The following ANKRD16 variants were observed in gnomAD, a reference collection of about 807,000 sequenced individuals.
The protein encoded by ANKRD16 is ankyrin repeat domain 16, also known as ankyrin repeat domain-containing protein 16.
Under a neutral mutation model 37.9 loss-of-function variants are expected in ANKRD16, and 35 were observed. That is an observed-to-expected ratio of 0.92 (90% confidence interval 0.71 to 1.23). The LOEUF (loss-of-function observed/expected upper bound fraction) is 1.23. Among genes scored for constraint, ANKRD16 ranks in the 50% most tolerant of loss-of-function variants. The pLI, the probability that ANKRD16 is intolerant of heterozygous loss-of-function variation, is 0.00. For missense variants in ANKRD16, 480 were observed against 469.9 expected, an observed-to-expected ratio of 1.02 and a Z score of -0.20; for synonymous variants, 206 against 197.2, an observed-to-expected ratio of 1.04 and a Z score of -0.37.
intron 5 of ANKRD16, among the ~76,000 whole-genome samples, chr10:5,881,438 T>TTTTATATA (rs1554796692): frequency 9.6e-4 from 49 of 50,996 alleles, no homozygotes; most frequent in African/African-American, 1.6e-3. Context: ...AAAATATTAT[T>TTTTATATA]TATATATATA....
At chr10:5,881,177 T>G in intron 5 of ANKRD16, 2 of 675,526 alleles carry the variant, frequency 3.0e-6, no homozygotes, top group Non-Finnish European at 3.7e-6. Context: ...TTGGTGACAT[T>G]TAATTATTAG....
intron 2 of ANKRD16, among the ~76,000 whole-genome samples, chr10:5,886,382 G>A (rs566178163): frequency 1.3e-5 from 2 of 152,236 alleles, no homozygotes; most frequent in Non-Finnish European, 2.9e-5. Flanking sequence ...CTTCAGGTCA[G>A]GAGTTCAAGA....
chr10:5,862,637 T>A lies in ANKRD16; in HGVS notation c.*88A>T. The stretch of plus-strand genomic sequence containing the variant: ...CAGGTTCAGGATGACTGAAGCAAGT[T>A]GCACTTGGCTTTCTCTGAGCCGAAA... On this transcript the variant is annotated 3_prime_UTR_variant, in exon 8 of 8. Transcript: ENST00000380094. The surrounding 1 kb of genome is among the most constrained non-coding windows in gnomAD (Gnocchi z 6.5). 1 of 1,289,594 alleles carries A rather than the reference T, an allele frequency of 7.8e-7. No homozygotes were observed. Among genetic ancestry groups the A allele is most frequent in the Non-Finnish European group, 1.0e-6 (1 of 988,870 alleles). 79.9% of individuals were successfully genotyped at this position (1,289,594 alleles called of 1,614,324 possible). A position where few individuals can be genotyped will look rare whatever the true frequency, so the allele number is the denominator to read the frequency against.
At chr10:5,880,085 G>A (rs1842264285) in intron 6 of ANKRD16, among the ~76,000 whole-genome samples, 1 of 149,552 alleles carries the variant, frequency 6.7e-6, no homozygotes, top group Non-Finnish European at 1.5e-5. Flanking sequence ...CTTGAGCCAG[G>A]AGGTGGATGT....
chr10:5,884,739 T>TA (rs34030686), intron 3 of ANKRD16, among the ~76,000 whole-genome samples: 5,900 of 120,094 alleles, frequency 0.049, 434 homozygotes, highest in African/African-American at 0.16. Flanking sequence ...TCTCAAAAAC[T>TA]AAAAAAAAAA....
Position 5,889,023 on chromosome 10 carries a change from T to C in ANKRD16, c.314+18A>G, listed in dbSNP as rs75887320. 1.9e-4 allele frequency: 279 copies of C among 1,496,316 alleles called. 3 individuals are homozygous for C. In the East Asian group the frequency reaches 6.5e-3, roughly 35 times the overall value. 92.7% of individuals were successfully genotyped at this position (1,496,316 alleles called of 1,614,324 possible). On this transcript the variant is annotated intron_variant, in intron 1 of 7. Coordinates refer to ENST00000380094, the MANE Select transcript of ANKRD16 (RefSeq NM_019046.3). The stretch of plus-strand genomic sequence containing the variant: ...GCGAGTAGAGGGGAGGCGGGGTGTC[T>C]TTCCGCTCCACACCTACCAGTCGGC...
At chr10:5,867,686 C>A (rs116289417) in intron 7 of ANKRD16, among the ~76,000 whole-genome samples, 4,063 of 152,276 alleles carry the variant, frequency 0.027, 162 homozygotes, top group African/African-American at 0.09. Context: ...GCAGAGCCAT[C>A]CACTAATACC....
chr10:5,872,584 T>G (rs1445699686), intron 7 of ANKRD16, among the ~76,000 whole-genome samples: 2 of 152,154 alleles, frequency 1.3e-5, no homozygotes, highest in Non-Finnish European at 2.9e-5. Context: ...TGAGATGGAA[T>G]CTCACTCTGT....
chr10:5,868,368 T>C lies in ANKRD16; in HGVS notation c.*34-5677A>G, dbSNP rs1262345005. Among the ~76,000 whole-genome samples the C allele has an allele frequency of 6.6e-6, 1 of 152,160 alleles. No individual in the cohort carries two copies. Among genetic ancestry groups the C allele is most frequent in the Non-Finnish European group, 1.5e-5 (1 of 68,016 alleles). The stretch of plus-strand genomic sequence containing the variant: ...AGTAGCTAGAATGGTCATCACCCAA[T>C]TCCCAGTAGCAGTTGGGGTGTTCCG... On this transcript the variant is annotated intron_variant, in intron 7 of 7. Coordinates refer to ENST00000380094, the MANE Select transcript of ANKRD16 (RefSeq NM_019046.3). This position sits in a 1 kb window ranked among gnomAD's most constrained non-coding sequence, Gnocchi z 4.9.
At chr10:5,877,452 G>T (rs981835647) in intron 7 of ANKRD16, among the ~76,000 whole-genome samples, 1 of 152,010 alleles carries the variant, frequency 6.6e-6, no homozygotes, top group African/African-American at 2.4e-5. Flanking sequence ...ACTTGAAGGG[G>T]GTCAATACTG....
At chr10:5,876,582 T>A (rs1280697960) in intron 7 of ANKRD16, among the ~76,000 whole-genome samples, 1 of 152,168 alleles carries the variant, frequency 6.6e-6, no homozygotes, top group Non-Finnish European at 1.5e-5. Context: ...ATGGAGAGTG[T>A]GTAATTTAGA....
Position 5,862,718 on chromosome 10 carries a change from C to T in ANKRD16, c.*34-27G>A, listed in dbSNP as rs1309620639. 4.5e-5 allele frequency: 58 copies of T among 1,276,702 alleles called. No individual in the cohort carries two copies. Among genetic ancestry groups the T allele is most frequent in the Non-Finnish European group, 5.5e-5 (54 of 977,120 alleles). 79.1% of individuals were successfully genotyped at this position (1,276,702 alleles called of 1,614,324 possible). On this transcript the variant is annotated intron_variant, in intron 7 of 7. Transcript: ENST00000380094. The surrounding 1 kb of genome is among the most constrained non-coding windows in gnomAD (Gnocchi z 6.5). Reference sequence around the variant, plus strand: ...TGTGAAGAAAGAGTTATTATCATCTCAGTTTACAGATGAAACAGAAGCTCA... The same window carrying T: ...TGTGAAGAAAGAGTTATTATCATCTTAGTTTACAGATGAAACAGAAGCTCA...
In ANKRD16 at chr10:5,883,981, G is replaced by C. The variant is rs144479807; in HGVS notation, c.675C>G (p.Leu225=). Residue 225 remains leucine (L), a synonymous_variant, in exon 4 of 8, where the codon CTC becomes CTG. Coordinates refer to ENST00000380094, the MANE Select transcript of ANKRD16 (RefSeq NM_019046.3). ...ACCATTTTTATACCCCATGTTCATC[G>C]AGGAGCAGCCTAGCGACGTCGATGT... is the stretch of plus-strand genomic sequence containing the variant. ...CGHIDVARLL[L]DEHGACLSAE... is the part of the protein sequence containing the mutation. 3 of 1,613,732 alleles carry C rather than the reference G, an allele frequency of 1.9e-6. No homozygotes were observed. The African/African-American group carries it at 4.0e-5, about 22-fold the overall frequency.
rs1841984911 is a variant in ANKRD16, at chr10:5,864,311, A to G, written c.*34-1620T>C. 6.6e-6 allele frequency among the ~76,000 whole-genome samples: 1 copy of G among 152,096 alleles called. No individual in the cohort carries two copies. ...CTCCCCTGCCCAGAAGGAAACAAGCAAAGAAATCTCCAAGGGACCACAACC... is the reference window on the plus strand; with the variant it reads ...CTCCCCTGCCCAGAAGGAAACAAGCGAAGAAATCTCCAAGGGACCACAACC... On this transcript the variant is annotated intron_variant, in intron 7 of 7. Coordinates refer to ENST00000380094, the MANE Select transcript of ANKRD16 (RefSeq NM_019046.3). The surrounding 1 kb of genome is among the most constrained non-coding windows in gnomAD (Gnocchi z 4.4).
chr10:5,884,191 A>G (rs7907053), intron 3 of ANKRD16, 114 bp from the exon 4 acceptor site: 329,429 of 735,288 alleles, frequency 0.45, 78,173 homozygotes, highest in African/African-American at 0.57. Context: ...ACCTGTGAGC[A>G]TGGAGCTCTC....
rs1225849633 is a variant in ANKRD16 at position 5,871,811 on chromosome 10, C to T, written c.*33+6286G>A. ...TCCCAGTCTGTAAACATGCCACATG[C>T]TCATCCCCTCACTCACCCTCTCGGA... On this transcript the variant is annotated intron_variant, in intron 7 of 7. Coordinates refer to ENST00000380094, the MANE Select transcript of ANKRD16 (RefSeq NM_019046.3). The surrounding 1 kb of genome is among the most constrained non-coding windows in gnomAD (Gnocchi z 4.5). Among the ~76,000 whole-genome samples, 1 of 152,222 alleles carries T rather than the reference C, an allele frequency of 6.6e-6. No homozygotes were observed. The highest frequency in any genetic ancestry group is 1.5e-5 in the Non-Finnish European group (1 of 68,038).
rs1842529127 is a variant in ANKRD16 at position 5,889,105 on chromosome 10, G to C, written c.250C>G (p.Arg84Gly). 1 of 1,591,830 alleles carries C rather than the reference G, an allele frequency of 6.3e-7. No homozygotes were observed. Among genetic ancestry groups the C allele is most frequent in the Non-Finnish European group, 8.5e-7 (1 of 1,176,220 alleles). The change falls in exon 1 of 8, where the codon CGA becomes GGA. Residue 84 changes from arginine to glycine, a missense_variant. Transcript: ENST00000380094. ...PLHEAASMGH[R>G]DCVRYLLGRG... ...CCCAGCAGGTAGCGCACGCAGTCTC[G>C]GTGGCCCATGGAGGCCGCCTCGTGC...
In ANKRD16 at chr10:5,863,136, T is replaced by C. The variant is rs1841965149; in HGVS notation, c.*34-445A>G. ...AACACGAGGCCTCCCCAACGCAGTG[T>C]CCACACCAGCATTACTGTGGAACTT... On this transcript the variant is annotated intron_variant, in intron 7 of 7. Transcript: ENST00000380094. The surrounding 1 kb of genome is among the most constrained non-coding windows in gnomAD (Gnocchi z 4.7). Among the ~76,000 whole-genome samples, 1 of 151,976 alleles carries C rather than the reference T, an allele frequency of 6.6e-6. No individual in the cohort carries two copies. Among genetic ancestry groups the C allele is most frequent in the East Asian group, 1.9e-4 (1 of 5,186 alleles).
In ANKRD16 at chr10:5,868,856, T is replaced by C. The variant is rs1842052072; in HGVS notation, c.*34-6165A>G. ...TCTGAATGTACCATCTTTAAGATCA[T>C]AACACTCACCGCAAGGTCTGTGGCT... On this transcript the variant is annotated intron_variant, in intron 7 of 7. Coordinates refer to ENST00000380094, the MANE Select transcript of ANKRD16 (RefSeq NM_019046.3). This position sits in a 1 kb window ranked among gnomAD's most constrained non-coding sequence, Gnocchi z 4.9. 6.6e-6 allele frequency among the ~76,000 whole-genome samples: 1 copy of C among 152,092 alleles called. No individual in the cohort carries two copies. The highest frequency in any genetic ancestry group is 1.5e-5 in the Non-Finnish European group (1 of 68,012).
Sources: allele counts gnomAD v4.1 joint callset (sites outside exome capture counted in the v4.1 genomes callset), GRCh38; gene constraint gnomAD v4.1.1; non-coding constraint Gnocchi (gnomAD v3.1); transcripts MANE v1.5; gene names NCBI Gene and HGNC (gene_info 2026-07-23, HGNC 2026-07-21).